FAIM: variants seen among roughly 807,000 people sequenced by gnomAD.
FAIM encodes the protein fas apoptotic inhibitory molecule 1.
Under a neutral mutation model 21.2 loss-of-function variants are expected in FAIM, and 14 were observed. That is an observed-to-expected ratio of 0.66 (90% CI 0.44 to 1.03). The LOEUF (loss-of-function observed/expected upper bound fraction) is 1.03. Ranked by LOEUF, FAIM falls within the 50% of genes least tolerant of loss-of-function variation. The pLI is 0.00. For synonymous variants in FAIM, 86 were observed against 80.4 expected (o/e 1.07, Z -0.37); for missense variants, 222 against 247.1 (o/e 0.90, Z 0.68).
chr3:138,631,315 T>G (rs2108359855), intron 5 of FAIM, among the ~76,000 whole-genome samples: 1 of 152,116 alleles, frequency 6.6e-6, no homozygotes, highest in African/African-American at 2.4e-5. Context: ...CTCAGGAGGC[T>G]GAGGCAGGAG....
intron 5 of FAIM, chr3:138,630,062 A>G (rs1349610884): frequency 6.6e-6 from 1 of 152,174 alleles, no homozygotes; most frequent in East Asian, 1.9e-4. Flanking sequence ...AGGGAGTGCT[A>G]TCCCTGGGAC....
rs374099208 is a variant in FAIM, at chr3:138,629,173, A to T, written c.456+17A>T. 1 of 1,598,574 alleles carries T rather than the reference A, an allele frequency of 6.3e-7. No individual in the cohort carries two copies. ...GAGACAGCGGTAAGTTGACTATTTG[A>T]TGACTCTAAGTGCCATGTGTCTCAG... is the stretch of plus-strand genomic sequence containing the variant. On this transcript the variant is annotated intron_variant, in intron 5 of 5. Transcript: ENST00000360570.
At chr3:138,626,148 C>T (rs973059908) in intron 4 of FAIM, among the ~76,000 whole-genome samples, 4 of 152,132 alleles carry the variant, frequency 2.6e-5, no homozygotes, top group Admixed American at 1.3e-4. Flanking sequence ...TGAGGGAATC[C>T]GCAGGCAAAG....
At chr3:138,629,346 G>C in intron 5 of FAIM, 190 bp downstream of exon 5, 1 of 489,900 alleles carries the variant, frequency 2.0e-6, no homozygotes, top group South Asian at 3.0e-5. Flanking sequence ...CGTGAGTTTG[G>C]AAACAACTCA....
In FAIM at chr3:138,621,423, G is replaced by C. The variant is rs2042883499; in HGVS notation, c.61G>C (p.Glu21Gln). Residue 21 changes from glutamate (E) to glutamine (Q), a missense_variant, in exon 3 of 6, where the codon GAA becomes CAA. Glu to Gln is a conservative substitution (Grantham distance 29, BLOSUM62 2). Transcript: ENST00000360570. ...EDDESPPYSL[E>Q]KMTDLVAVWD... ...TTCCTTTAGCCCTCCTTACAGCCTA[G>C]AAAAAATGACAGATCTCGTAGCTGT... 6.2e-7 allele frequency: 1 copy of C among 1,613,676 alleles called. No individual in the cohort carries two copies. Among genetic ancestry groups the C allele is most frequent in the Admixed American group, 1.7e-5 (1 of 59,952 alleles).
intron 5 of FAIM, chr3:138,631,212 A>G (rs1232825904): frequency 6.6e-6 from 1 of 151,536 alleles, no homozygotes; most frequent in Admixed American, 6.6e-5. Flanking sequence ...CCAGGAGCTC[A>G]TGACCATCCT....
At chr3:138,621,567 A>T in intron 3 of FAIM, 28 bp downstream of exon 3, 1 of 1,597,254 alleles carries the variant, frequency 6.3e-7, no homozygotes, top group Non-Finnish European at 8.6e-7. Flanking sequence ...TACTTTGTAA[A>T]ATATGATATA....
intron 1 of FAIM, 87 bp downstream of exon 1, chr3:138,609,024 C>G (rs889020767): frequency 6.6e-6 from 1 of 152,498 alleles, no homozygotes; most frequent in Admixed American, 6.6e-5. Context: ...CTGGAAACCC[C>G]TGCACTCAGC....
chr3:138,632,301 A>G (rs2043014061), intron 5 of FAIM, among the ~76,000 whole-genome samples: 1 of 151,762 alleles, frequency 6.6e-6, no homozygotes, highest in South Asian at 2.1e-4. Context: ...TATTTTATAC[A>G]TTTTTTTGTT....
chr3:138,632,029 G>A (rs950586963), intron 5 of FAIM, among the ~76,000 whole-genome samples: 2 of 151,848 alleles, frequency 1.3e-5, no homozygotes, highest in Admixed American at 6.6e-5. Flanking sequence ...TGGTTTCTTT[G>A]CTTTCTGGCA....
At chr3:138,611,951 G>A (rs1357994949) in intron 1 of FAIM, among the ~76,000 whole-genome samples, 1 of 152,124 alleles carries the variant, frequency 6.6e-6, no homozygotes, top group East Asian at 1.9e-4. Flanking sequence ...GTATTCCTTT[G>A]TAGCAGCATG....
chr3:138,616,724 T>C (rs1392657454), intron 1 of FAIM, among the ~76,000 whole-genome samples: 1 of 152,228 alleles, frequency 6.6e-6, no homozygotes, highest in African/African-American at 2.4e-5. Context: ...TTTAGTGTTT[T>C]GCTTAAAATA....
chr3:138,609,593 ACTCTCTCTCTCTCTCTCTCGACT>A (rs2042742504), intron 1 of FAIM, among the ~76,000 whole-genome samples: 1 of 26,782 alleles, frequency 3.7e-5, no homozygotes, highest in Non-Finnish European at 5.8e-5. Context: ...CTCTCTCTCG[ACTCTCTCTCTCTCTCTCTCGACT>A]CTCTCTCTCT....
intron 3 of FAIM, 130 bp from the exon 4 acceptor site, chr3:138,622,058 G>A: frequency 1.3e-6 from 1 of 765,914 alleles, no homozygotes; most frequent in East Asian, 2.8e-5. Context: ...GGGATTACAG[G>A]CATGAGCCAC....
At chr3:138,611,357 CTAATA>C (rs2042766690) in intron 1 of FAIM, among the ~76,000 whole-genome samples, 2 of 151,538 alleles carry the variant, frequency 1.3e-5, no homozygotes, top group Admixed American at 1.3e-4. Flanking sequence ...ACAATTCTTT[CTAATA>C]TAATTAACTT....
At chr3:138,618,268 AAG>A (rs1282045355) in intron 1 of FAIM, among the ~76,000 whole-genome samples, 3 of 152,142 alleles carry the variant, frequency 2.0e-5, no homozygotes, top group Non-Finnish European at 2.9e-5. Context: ...AATTTTATAA[AAG>A]AGAGATTTAT....
At chr3:138,629,216 C>A in intron 5 of FAIM, 60 bp downstream of exon 5, 1 of 1,322,300 alleles carries the variant, frequency 7.6e-7, no homozygotes, top group Non-Finnish European at 1.1e-6. Context: ...TGAATTGTTG[C>A]TGCATTTCCT....
At chr3:138,618,090 C>G (rs1483417456) in intron 1 of FAIM, among the ~76,000 whole-genome samples, 1 of 151,482 alleles carries the variant, frequency 6.6e-6, no homozygotes, top group African/African-American at 2.4e-5. Flanking sequence ...AAGCGATCCT[C>G]CCACCTTAGC....
chr3:138,616,469 C>A (rs1056339933), intron 1 of FAIM, among the ~76,000 whole-genome samples: 2 of 152,084 alleles, frequency 1.3e-5, no homozygotes, highest in Admixed American at 6.5e-5. Flanking sequence ...CAGTCTCAAA[C>A]CCCTAGAATC....
Sources: gnomAD v4.1 joint callset for allele counts (sites outside exome capture counted in the v4.1 genomes callset) on GRCh38, gnomAD v4.1.1 for gene constraint, MANE v1.5 for transcripts, NCBI Gene and HGNC (gene_info 2026-07-23, HGNC 2026-07-21) for gene names.